NRXN3: variants seen among roughly 807,000 people sequenced by gnomAD.
NRXN3 encodes neurexin 3, also known as neurexin III.
NRXN3 carries 32 observed loss-of-function variants against 137.6 expected under a neutral mutation model. The observed-to-expected ratio is 0.23, with a 90% confidence interval of 0.18 to 0.31. NRXN3 has a LOEUF of 0.31. NRXN3 is among the 10% of genes least tolerant of loss of function. NRXN3 has a pLI of 1.00. For missense variants in NRXN3, 1,574 were observed against 2,062.5 expected (o/e 0.76, Z 4.59); for synonymous variants, 798 against 784.5 (o/e 1.02, Z -0.29).
chr14:79,103,700 G>A (rs377080442), intron 15 of NRXN3, among the ~76,000 whole-genome samples: 5 of 152,072 alleles, frequency 3.3e-5, no homozygotes, highest in East Asian at 1.9e-4. Context: ...AAAGACCCAC[G>A]TTCTTAACAT....
At chr14:78,893,158 T>C (rs1366608867) in intron 10 of NRXN3, among the ~76,000 whole-genome samples, 1 of 151,930 alleles carries the variant, frequency 6.6e-6, no homozygotes, top group African/African-American at 2.4e-5. Context: ...GGTCAGCCTG[T>C]ATATTTCAAT....
intron 10 of NRXN3, among the ~76,000 whole-genome samples, chr14:78,860,569 A>G (rs1333706168): frequency 6.6e-6 from 1 of 152,180 alleles, no homozygotes; most frequent in Non-Finnish European, 1.5e-5. Flanking sequence ...ACTTTAGGTT[A>G]TGACAACTAG....
chr14:79,680,721 A>T (rs2098666158), intron 17 of NRXN3, among the ~76,000 whole-genome samples: 1 of 152,140 alleles, frequency 6.6e-6, no homozygotes, highest in Non-Finnish European at 1.5e-5. Context: ...CTCTCTGTGA[A>T]ATCATGTATG....
intron 15 of NRXN3, among the ~76,000 whole-genome samples, chr14:79,418,700 C>A (rs991485176): frequency 6.6e-6 from 1 of 152,148 alleles, no homozygotes; most frequent in Non-Finnish European, 1.5e-5. Context: ...AAGTTCATAG[C>A]CGTCACAAAA....
At chr14:78,981,787 G>A (rs899390711) in intron 14 of NRXN3, among the ~76,000 whole-genome samples, 15 of 152,106 alleles carry the variant, frequency 9.9e-5, no homozygotes, top group Non-Finnish European at 2.2e-4. Context: ...CACTGTTGAA[G>A]CTTTTGGTTT....
At chr14:78,927,428 A>G (rs1434064965) in intron 10 of NRXN3, among the ~76,000 whole-genome samples, 1 of 152,126 alleles carries the variant, frequency 6.6e-6, no homozygotes, top group African/African-American at 2.4e-5. Context: ...TAGAGAGTGC[A>G]GTGACAGTGG....
chr14:79,598,300 G>A (rs952557513), intron 16 of NRXN3, among the ~76,000 whole-genome samples: 6 of 152,108 alleles, frequency 3.9e-5, no homozygotes, highest in African/African-American at 9.7e-5. Flanking sequence ...CAAAAAGTCA[G>A]GTCATGGTTA....
chr14:79,710,199 CTCTG>C (rs1311279399), intron 19 of NRXN3, among the ~76,000 whole-genome samples: 1 of 151,900 alleles, frequency 6.6e-6, no homozygotes, highest in Non-Finnish European at 1.5e-5. Flanking sequence ...TTTATTGAGT[CTCTG>C]TCTGCTAGAA....
At chr14:78,953,219 C>A (rs529356477) in intron 10 of NRXN3, among the ~76,000 whole-genome samples, 1 of 151,198 alleles carries the variant, frequency 6.6e-6, no homozygotes, top group African/African-American at 2.4e-5. Flanking sequence ...TTCTGTCTGC[C>A]AAAAGAGGGA....
intron 19 of NRXN3, among the ~76,000 whole-genome samples, chr14:79,714,497 A>G (rs1408692374): frequency 6.6e-6 from 1 of 152,238 alleles, no homozygotes; most frequent in Non-Finnish European, 1.5e-5. Context: ...TAAAAGCACC[A>G]TGCAACCATA....
At chr14:78,533,489 T>G (rs1248665414) in intron 4 of NRXN3, among the ~76,000 whole-genome samples, 2 of 152,184 alleles carry the variant, frequency 1.3e-5, no homozygotes, top group Non-Finnish European at 2.9e-5. Flanking sequence ...TCCAATCTTC[T>G]GTATAAGGCT....
intron 10 of NRXN3, among the ~76,000 whole-genome samples, chr14:78,877,388 T>C (rs1284105905): frequency 2.0e-5 from 3 of 152,192 alleles, no homozygotes; most frequent in Non-Finnish European, 4.4e-5. Flanking sequence ...TCTCTGAAGC[T>C]TTCCCTGACT....
At chr14:78,256,043 G>A (rs139883635) in intron 2 of NRXN3, among the ~76,000 whole-genome samples, 6 of 152,180 alleles carry the variant, frequency 3.9e-5, no homozygotes, top group Non-Finnish European at 7.4e-5. Context: ...TACACATTCC[G>A]CTTGGTTTGA....
At chr14:79,221,764 C>A (rs1378628644) in intron 15 of NRXN3, among the ~76,000 whole-genome samples, 1 of 152,114 alleles carries the variant, frequency 6.6e-6, no homozygotes, top group Non-Finnish European at 1.5e-5. Flanking sequence ...TAATTAGATC[C>A]CATTTGTCAA....
chr14:79,690,207 G>A (rs186249784), intron 17 of NRXN3, among the ~76,000 whole-genome samples: 27 of 151,502 alleles, frequency 1.8e-4, no homozygotes, highest in South Asian at 8.3e-4. Flanking sequence ...ATGTATATTC[G>A]TTTCAAAAAG....
At chr14:78,613,578 GTTTTTTTTTTTTTT>G (rs57745190) in intron 4 of NRXN3, among the ~76,000 whole-genome samples, 44 of 95,112 alleles carry the variant, frequency 4.6e-4, no homozygotes, top group African/African-American at 1.9e-3. Context: ...CACAACCATA[GTTTTTTTTTTTTTT>G]TTTTTTTTTT....
At chr14:79,759,178 C>T in intron 19 of NRXN3, among the ~76,000 whole-genome samples, 1 of 151,980 alleles carries the variant, frequency 6.6e-6, no homozygotes, top group East Asian at 1.9e-4. Flanking sequence ...GTTAAGGAGG[C>T]CAATTTCTCT....
intron 4 of NRXN3, among the ~76,000 whole-genome samples, chr14:78,639,436 A>G (rs566614949): frequency 6.6e-6 from 1 of 152,332 alleles, no homozygotes; most frequent in African/African-American, 2.4e-5. Flanking sequence ...AGGGGTCAGC[A>G]TTTTAACGGG....
chr14:79,588,163 G>C (rs1279754764), intron 16 of NRXN3, among the ~76,000 whole-genome samples: 1 of 152,184 alleles, frequency 6.6e-6, no homozygotes, highest in Admixed American at 6.5e-5. Context: ...GCTTGAAGGA[G>C]TCAGTATGTA....
Sources: gnomAD v4.1 joint callset for allele counts (sites outside exome capture counted in the v4.1 genomes callset) on GRCh38, gnomAD v4.1.1 for gene constraint, MANE v1.5 for transcripts, NCBI Gene and HGNC (gene_info 2026-07-23, HGNC 2026-07-21) for gene names.